The following KCTD8 variants were observed in gnomAD, a reference collection of about 807,000 sequenced individuals.
The protein encoded by KCTD8 is potassium channel tetramerization domain containing 8.
KCTD8 carries 27 observed loss-of-function variants against 31.5 expected under a neutral mutation model. The ratio of observed to expected loss-of-function variants is 0.86; its 90% CI spans 0.63 to 1.18. The LOEUF (loss-of-function observed/expected upper bound fraction) is 1.18. Among genes scored for constraint, KCTD8 ranks in the 50% most tolerant of loss-of-function variants. The probability of loss-of-function intolerance (pLI) is 0.00; values close to 1 mark genes in which losing one functional copy is unlikely to be tolerated. For synonymous variants in KCTD8, 290 were observed against 280.0 expected (o/e 1.04, Z -0.36); for missense variants, 658 against 647.7 (o/e 1.02, Z -0.17).
intron 1 of KCTD8, among the ~76,000 whole-genome samples, chr4:44,230,406 A>T (rs1047367435): frequency 1.1e-4 from 16 of 152,210 alleles, no homozygotes; most frequent in Admixed American, 7.9e-4. Context: ...AACATTATAC[A>T]GGCATAAAAT....
chr4:44,447,890 C>A lies in KCTD8; in HGVS notation c.634G>T (p.Gly212Cys). The change falls in exon 1 of 2, where the codon GGC (glycine) becomes TGC (cysteine). Residue 212 changes from glycine to cysteine, a missense_variant. By Grantham distance (159) the Gly-to-Cys change is radical (BLOSUM62 -3). Coordinates refer to ENST00000360029, the MANE Select transcript of KCTD8 (RefSeq NM_198353.3). ...ACGGTGGTGTAGGAGCCCCGGTAGC[C>A]CAGCGTGAGGAAGCCCGAGCGCTTG... ...QDKRSGFLTL[G>C]YRGSYTTVRD... The A allele has an allele frequency of 6.5e-7, 1 of 1,534,700 alleles. No homozygotes were observed. Among genetic ancestry groups the A allele is most frequent in the Non-Finnish European group, 8.8e-7 (1 of 1,137,706 alleles).
intron 1 of KCTD8, among the ~76,000 whole-genome samples, chr4:44,204,824 TAA>T (rs1714254867): frequency 6.6e-6 from 1 of 151,978 alleles, no homozygotes; most frequent in African/African-American, 2.4e-5. Context: ...AGGGAACAAA[TAA>T]AATATTATTT....
At position 44,209,328 on chromosome 4, in the gene KCTD8, A is replaced by G. The variant is rs541838266; in HGVS notation, c.962-34078T>C. On this transcript the variant is annotated intron_variant, in intron 1 of 1. Transcript: ENST00000360029. ...ATACCCCTAGGACATATCAAGTTCAAATATGATTTTCATCTCTTTTATTTC... is the reference window on the plus strand; with the variant it reads ...ATACCCCTAGGACATATCAAGTTCAGATATGATTTTCATCTCTTTTATTTC... Among the ~76,000 whole-genome samples the G allele has an allele frequency of 1.2e-3, 181 of 152,274 alleles. 1 individual carries two copies. Among genetic ancestry groups the G allele is most frequent in the Admixed American group, 2.8e-3 (43 of 15,274 alleles).
chr4:44,361,411 G>C (rs560364578), intron 1 of KCTD8, among the ~76,000 whole-genome samples: 1 of 151,886 alleles, frequency 6.6e-6, no homozygotes, highest in Non-Finnish European at 1.5e-5. Flanking sequence ...TGGAGCCTTC[G>C]GTGTTGAGAT....
At chr4:44,307,570 G>T (rs1197900854) in intron 1 of KCTD8, among the ~76,000 whole-genome samples, 1 of 151,956 alleles carries the variant, frequency 6.6e-6, no homozygotes, top group African/African-American at 2.4e-5. Flanking sequence ...TATGATGTCA[G>T]ATTAAAAATA....
chr4:44,231,625 C>A (rs879702205), intron 1 of KCTD8, among the ~76,000 whole-genome samples: 1 of 152,060 alleles, frequency 6.6e-6, no homozygotes, highest in Non-Finnish European at 1.5e-5. Flanking sequence ...ATGTTAGAAG[C>A]AGTAGGAAAT....
At chr4:44,425,811 T>C (rs1247838077) in intron 1 of KCTD8, among the ~76,000 whole-genome samples, 1 of 151,926 alleles carries the variant, frequency 6.6e-6, no homozygotes, top group Non-Finnish European at 1.5e-5. Context: ...TGTGGGATGA[T>C]GACACCCTGT....
intron 1 of KCTD8, among the ~76,000 whole-genome samples, chr4:44,439,203 A>G (rs1040765040): frequency 2.8e-4 from 43 of 152,198 alleles, no homozygotes; most frequent in African/African-American, 9.9e-4. Flanking sequence ...TATGAATCCT[A>G]TTCTCAAGAT....
chr4:44,363,709 G>A (rs1719559295), intron 1 of KCTD8, among the ~76,000 whole-genome samples: 1 of 152,084 alleles, frequency 6.6e-6, no homozygotes, highest in Admixed American at 6.6e-5. Flanking sequence ...ACACACAGTA[G>A]TCACTTTTAT....
intron 1 of KCTD8, among the ~76,000 whole-genome samples, chr4:44,270,908 T>G (rs74637742): frequency 0.061 from 9,292 of 152,188 alleles, 955 homozygotes; most frequent in African/African-American, 0.21. Context: ...TTTACCAAAG[T>G]CCCTACCCAA....
intron 1 of KCTD8, among the ~76,000 whole-genome samples, chr4:44,383,448 G>T (rs1720126932): frequency 1.3e-5 from 2 of 151,966 alleles, no homozygotes; most frequent in South Asian, 4.1e-4. Context: ...AACCAGCATG[G>T]TACTGGCATA....
chr4:44,290,466 C>T (rs1270998375), intron 1 of KCTD8, among the ~76,000 whole-genome samples: 3 of 152,076 alleles, frequency 2.0e-5, no homozygotes, highest in African/African-American at 7.2e-5. Flanking sequence ...TTATACCTAA[C>T]AGATGTCTAC....
At chr4:44,181,215 CTCTCTT>C (rs1221533331) in intron 1 of KCTD8, among the ~76,000 whole-genome samples, 1 of 115,716 alleles carries the variant, frequency 8.6e-6, no homozygotes, top group Non-Finnish European at 1.8e-5. Flanking sequence ...CTCCCTCTCC[CTCTCTT>C]TCCACGGTCT....
intron 1 of KCTD8, among the ~76,000 whole-genome samples, chr4:44,343,946 C>T (rs1577626869): frequency 6.6e-6 from 1 of 151,976 alleles, no homozygotes; most frequent in African/African-American, 2.4e-5. Flanking sequence ...GAAACCTCTG[C>T]CTCCCAGGTT....
At chr4:44,227,143 G>C (rs983236043) in intron 1 of KCTD8, among the ~76,000 whole-genome samples, 13 of 152,076 alleles carry the variant, frequency 8.5e-5, no homozygotes, top group African/African-American at 3.1e-4. Flanking sequence ...GTATTGCCTA[G>C]GTTTTCTTCT....
chr4:44,440,200 T>C (rs1397671017), intron 1 of KCTD8, among the ~76,000 whole-genome samples: 1 of 152,160 alleles, frequency 6.6e-6, no homozygotes, highest in Non-Finnish European at 1.5e-5. Flanking sequence ...CCCAAAGTGC[T>C]TGGATTACAG....
chr4:44,343,375 GT>G (rs1350526996), intron 1 of KCTD8, among the ~76,000 whole-genome samples: 26 of 152,278 alleles, frequency 1.7e-4, no homozygotes, highest in African/African-American at 5.8e-4. Context: ...TAAGCTCACT[GT>G]CTTCTATGGG....
intron 1 of KCTD8, among the ~76,000 whole-genome samples, chr4:44,409,859 AAGT>A (rs1035858563): frequency 6.6e-6 from 1 of 152,074 alleles, no homozygotes; most frequent in Non-Finnish European, 1.5e-5. Flanking sequence ...AAAAAAACAA[AAGT>A]AGGCATAATG....
At chr4:44,197,376 C>G (rs549306005) in intron 1 of KCTD8, among the ~76,000 whole-genome samples, 23 of 152,206 alleles carry the variant, frequency 1.5e-4, no homozygotes, top group African/African-American at 5.5e-4. Flanking sequence ...GCAGGAACAG[C>G]AACAGTAATC....
Sources: allele counts gnomAD v4.1 joint callset (sites outside exome capture counted in the v4.1 genomes callset), GRCh38; gene constraint gnomAD v4.1.1; transcripts MANE v1.5; gene names NCBI Gene and HGNC (gene_info 2026-07-23, HGNC 2026-07-21).